Variants in SOCS6 observed in about 807,000 individuals in gnomAD.
SOCS6 encodes the protein STAT induced STAT inhibitor-4.
SOCS6 carries 5 observed loss-of-function variants against 27.7 expected under a neutral mutation model. The observed-to-expected ratio is 0.18, with a 90% CI of 0.09 to 0.38. SOCS6 has a LOEUF of 0.38. Ranked by LOEUF, SOCS6 falls within the 10% of genes least tolerant of loss-of-function variation. The pLI is 1.00. For synonymous variants in SOCS6, 271 were observed against 260.0 expected, an observed-to-expected ratio of 1.04 and a Z score of -0.41; for missense variants, 595 against 688.1, an observed-to-expected ratio of 0.86 and a Z score of 1.51.
rs532059099 is a variant in SOCS6, at chr18:70,327,886, A to T, written c.*1610A>T. The T allele has an allele frequency of 5.4e-5, 9 of 167,042 alleles. No individual in the cohort carries two copies. The East Asian group carries it at 1.7e-3, about 32-fold the overall frequency. The allele number at this position is 167,042 out of a possible 1,614,324, so 10.3% of individuals were successfully genotyped here. Reference sequence around the variant, plus strand: ...AACTTACTGGCTTTGTCATTCAAGCATATCTGAATCCTCACTTTTTTCTCT... The same window carrying T: ...AACTTACTGGCTTTGTCATTCAAGCTTATCTGAATCCTCACTTTTTTCTCT... On this transcript the variant is annotated 3_prime_UTR_variant, in exon 2 of 2. Transcript: ENST00000397942.
Position 70,325,990 on chromosome 18 carries a change from G to C in SOCS6, c.1322G>C (p.Ser441Thr). The change falls in exon 2 of 2, where the codon AGC becomes ACC. Residue 441 changes from serine (S) to threonine (T), a missense_variant. Around this residue, in one of 2 missense-constraint regions of SOCS6, gnomAD observed 128 missense variants for 207.0 expected, o/e 0.62. Coordinates refer to ENST00000397942, the MANE Select transcript of SOCS6 (RefSeq NM_004232.4). The surrounding 1 kb of genome is among the most constrained non-coding windows in gnomAD (Gnocchi z 6.3). The stretch of plus-strand genomic sequence containing the variant: ...ATTGAGCACTCAAATGGTAGGTTTA[G>C]CTTTTATGAACAGCCAGATGTGGAA... ...TRIEHSNGRFSFYEQPDVEGH... is the reference protein window; with the variant it reads ...TRIEHSNGRFTFYEQPDVEGH... 1.2e-6 allele frequency: 2 copies of C among 1,614,246 alleles called. No homozygotes were observed. Among genetic ancestry groups the C allele is most frequent in the Non-Finnish European group, 1.7e-6 (2 of 1,180,032 alleles).
chr18:70,299,416 G>T (rs527398552), intron 1 of SOCS6, among the ~76,000 whole-genome samples: 1 of 152,230 alleles, frequency 6.6e-6, no homozygotes, highest in Admixed American at 6.5e-5. Flanking sequence ...ACGGGGGGAC[G>T]TGGAGTTTCT....
intron 1 of SOCS6, among the ~76,000 whole-genome samples, chr18:70,292,562 G>T (rs1235947090): frequency 6.6e-6 from 1 of 152,036 alleles, no homozygotes; most frequent in Non-Finnish European, 1.5e-5. Flanking sequence ...TTGCCCAGTT[G>T]GTCTTGAAAT....
At chr18:70,320,334 G>T (rs1311417051) in intron 1 of SOCS6, among the ~76,000 whole-genome samples, 1 of 151,958 alleles carries the variant, frequency 6.6e-6, no homozygotes, top group Non-Finnish European at 1.5e-5. Context: ...ATTTTACAGG[G>T]CAATTTATCA....
At chr18:70,299,453 C>T (rs914735413) in intron 1 of SOCS6, among the ~76,000 whole-genome samples, 2 of 152,212 alleles carry the variant, frequency 1.3e-5, no homozygotes, top group African/African-American at 4.8e-5. Context: ...GCCTCCTGCC[C>T]AGCTCACCCT....
rs1272573439 is a variant in SOCS6, at chr18:70,329,201, CT to C, written c.*2927del. 6.0e-6 allele frequency: 1 copy of C among 167,084 alleles called. No individual in the cohort carries two copies. Among genetic ancestry groups the C allele is most frequent in the African/African-American group, 2.4e-5 (1 of 41,452 alleles). 10.4% of individuals were successfully genotyped at this position (167,084 alleles called of 1,614,324 possible). ...TTCTGTCTAAGGAAAACTCTTTCTA[CT>C]TGGTGCAATAATCTGAAAATTTAGA... On this transcript the variant is annotated 3_prime_UTR_variant, in exon 2 of 2. Transcript: ENST00000397942.
rs2146306537 is a variant in SOCS6, at chr18:70,329,248, A to C, written c.*2972A>C. 6.0e-6 allele frequency: 1 copy of C among 167,228 alleles called. No homozygotes were observed. Among genetic ancestry groups the C allele is most frequent in the Non-Finnish European group, 1.5e-5 (1 of 68,110 alleles). The allele number at this position is 167,228 out of a possible 1,614,324, so 10.4% of individuals were successfully genotyped here. A position where few individuals can be genotyped will look rare whatever the true frequency, so the allele number is the denominator to read the frequency against. ...TTAGAAGGTCAAAATATGTCACAGG[A>C]AATGATCATAGACCTAAAAATAGTT... is the stretch of plus-strand genomic sequence containing the variant. On this transcript the variant is annotated 3_prime_UTR_variant, in exon 2 of 2. Transcript: ENST00000397942.
In SOCS6 at chr18:70,329,861, C is replaced by T. The variant is rs1229579857; in HGVS notation, c.*3585C>T. On this transcript the variant is annotated 3_prime_UTR_variant, in exon 2 of 2. Transcript: ENST00000397942. ...CTGTTTCTGAAAAGTGATCCAAACT[C>T]TACATCCAGAGATTATGAAAAATTC... 6.0e-6 allele frequency: 1 copy of T among 167,022 alleles called. No individual in the cohort carries two copies. Among genetic ancestry groups the T allele is most frequent in the Non-Finnish European group, 1.5e-5 (1 of 68,098 alleles). The allele number at this position is 167,022 out of a possible 1,614,324, so 10.3% of individuals were successfully genotyped here. A position where few individuals can be genotyped will look rare whatever the true frequency, so the allele number is the denominator to read the frequency against.
chr18:70,316,338 T>C (rs1387074448), intron 1 of SOCS6, among the ~76,000 whole-genome samples: 4 of 152,188 alleles, frequency 2.6e-5, no homozygotes, highest in African/African-American at 7.2e-5. Context: ...AAGGTTTTCA[T>C]TGGGGCCTTT....
rs1911246114 is a variant in SOCS6 at position 70,327,299 on chromosome 18, A to G, written c.*1023A>G. 6.0e-6 allele frequency: 1 copy of G among 166,828 alleles called. No individual in the cohort carries two copies. Among genetic ancestry groups the G allele is most frequent in the Admixed American group, 6.5e-5 (1 of 15,278 alleles). 10.3% of individuals were successfully genotyped at this position (166,828 alleles called of 1,614,324 possible). ...TAAAAAGTTTTAAATTGATTTGAAT[A>G]GAAAGAAAACATTGTTTTAAAGTTG... On this transcript the variant is annotated 3_prime_UTR_variant, in exon 2 of 2. Coordinates refer to ENST00000397942, the MANE Select transcript of SOCS6 (RefSeq NM_004232.4).
intron 1 of SOCS6, among the ~76,000 whole-genome samples, chr18:70,289,629 C>G (rs1176394372): frequency 1.4e-5 from 2 of 148,090 alleles, no homozygotes; most frequent in South Asian, 4.2e-4. Flanking sequence ...GCGGCGAGGC[C>G]GCAGGCGCGA....
rs935337273 is a variant in SOCS6 at position 70,320,359 on chromosome 18, T to C, written c.-126-4184T>C. On this transcript the variant is annotated intron_variant, in intron 1 of 1. Transcript: ENST00000397942. Reference sequence around the variant, plus strand: ...GCAATTTATCATTAAGAAACTATTATTCATTGAGTTTTGATATAGTATCAA... The same window carrying C: ...GCAATTTATCATTAAGAAACTATTACTCATTGAGTTTTGATATAGTATCAA... 5.3e-5 allele frequency among the ~76,000 whole-genome samples: 8 copies of C among 152,284 alleles called. No individual in the cohort carries two copies. The East Asian group carries it at 9.7e-4, about 18-fold the overall frequency.
intron 1 of SOCS6, among the ~76,000 whole-genome samples, chr18:70,308,479 C>T (rs2062378090): frequency 6.6e-6 from 1 of 152,148 alleles, no homozygotes; most frequent in Admixed American, 6.5e-5. Flanking sequence ...GCCTTTTCCT[C>T]CCAAAATTCT....
At chr18:70,307,447 T>C (rs1414413579) in intron 1 of SOCS6, among the ~76,000 whole-genome samples, 1 of 152,214 alleles carries the variant, frequency 6.6e-6, no homozygotes, top group Non-Finnish European at 1.5e-5. Context: ...AAATCTTTAG[T>C]GGAATTTACC....
chr18:70,324,942 G>A lies in SOCS6; in HGVS notation c.274G>A (p.Gly92Ser), dbSNP rs1489115667. ...AAAACAGAAGTCAAAAGGCAAGGCG[G>A]GCACACCCTCTGGGAGCTCTGCCGA... ...SAKQKSKGKA[G>S]TPSGSSADED... The change falls in exon 2 of 2, where the codon GGC becomes AGC. Residue 92 changes from glycine (G) to serine (S), a missense_variant. Coordinates refer to ENST00000397942, the MANE Select transcript of SOCS6 (RefSeq NM_004232.4). The A allele has an allele frequency of 1.2e-6, 2 of 1,614,162 alleles. No individual in the cohort carries two copies. The highest frequency in any genetic ancestry group is 2.2e-5 in the East Asian group (1 of 44,886).
rs541475459 is a variant in SOCS6, at chr18:70,302,821, AGAG to A, written c.-127+13739_-127+13741del. ...GCAAAAAGTTATTTTGAGCAGGTAAAGAGGAGGAGGCTGTCTAGGTTCTACCAA... is the reference window on the plus strand; with the variant it reads ...GCAAAAAGTTATTTTGAGCAGGTAAAGAGGAGGCTGTCTAGGTTCTACCAA... On this transcript the variant is annotated intron_variant, in intron 1 of 1. Coordinates refer to ENST00000397942, the MANE Select transcript of SOCS6 (RefSeq NM_004232.4). 3.0e-3 allele frequency among the ~76,000 whole-genome samples: 461 copies of A among 152,318 alleles called. 3 individuals carry two copies. Among genetic ancestry groups the A allele is most frequent in the Middle Eastern group, 6.8e-3 (2 of 294 alleles).
intron 1 of SOCS6, among the ~76,000 whole-genome samples, chr18:70,319,608 T>TAAAAAAAAAAAAAAAA (rs34494275): frequency 1.6e-5 from 2 of 126,350 alleles, no homozygotes; most frequent in Non-Finnish European, 1.7e-5. Context: ...AGCACTTCAG[T>TAAAAAAAAAAAAAAAA]AAAAAAAAAA....
chr18:70,307,197 G>T (rs2062373029), intron 1 of SOCS6, among the ~76,000 whole-genome samples: 1 of 152,194 alleles, frequency 6.6e-6, no homozygotes, highest in Non-Finnish European at 1.5e-5. Context: ...TGAAGATGGA[G>T]GTTGCAGCGA....
chr18:70,303,038 A>T (rs2062355278), intron 1 of SOCS6, among the ~76,000 whole-genome samples: 1 of 152,192 alleles, frequency 6.6e-6, no homozygotes, highest in Non-Finnish European at 1.5e-5. Flanking sequence ...TTTTATTCTT[A>T]TAAAAACACT....
Sources: gnomAD v4.1 joint callset for allele counts (sites outside exome capture counted in the v4.1 genomes callset) on GRCh38, gnomAD v4.1.1 for gene constraint, gnomAD v4.1.1 regional missense constraint, Gnocchi (gnomAD v3.1) non-coding constraint, MANE v1.5 for transcripts, NCBI Gene and HGNC (gene_info 2026-07-23, HGNC 2026-07-21) for gene names.